Variants in TRIP13 observed in about 807,000 individuals in gnomAD.
TRIP13 encodes the protein pachytene checkpoint protein 2 homolog.
TRIP13 carries 25 observed loss-of-function variants against 54.4 expected under a neutral mutation model. That is an observed-to-expected ratio of 0.46 (90% confidence interval 0.33 to 0.64). TRIP13 has a LOEUF of 0.64. Among genes scored for constraint, TRIP13 ranks in the 30% least tolerant of loss-of-function variants. The pLI is 0.02. For synonymous variants in TRIP13, 207 were observed against 207.8 expected (o/e 1.00, Z 0.03); for missense variants, 373 against 534.2 (o/e 0.70, Z 2.97).
At chr5:901,487 C>T in intron 5 of TRIP13, 56 bp downstream of exon 5, 1 of 1,549,236 alleles carries the variant, frequency 6.5e-7, no homozygotes, top group Non-Finnish European at 8.9e-7. Context: ...TTAGCCTTTA[C>T]TTGTACCTTC....
At chr5:916,590 G>A (rs966705253) in intron 12 of TRIP13, among the ~76,000 whole-genome samples, 10 of 152,258 alleles carry the variant, frequency 6.6e-5, no homozygotes, top group Non-Finnish European at 8.8e-5. Context: ...TGGATCATGA[G>A]TGGGAGCCTT....
In TRIP13 at chr5:893,115, C is replaced by T. The variant is rs558683340; in HGVS notation, c.92+25C>T. The stretch of plus-strand genomic sequence containing the variant: ...GGTGAGCCGGACCTGTCCGACACAT[C>T]CTCTGGGCACCCACCCGCCCCGACC... On this transcript the variant is annotated intron_variant, in intron 1 of 12. Coordinates refer to ENST00000166345, the MANE Select transcript of TRIP13 (RefSeq NM_004237.4). The T allele has an allele frequency of 8.3e-5, 129 of 1,558,828 alleles. 1 individual carries two copies. In the South Asian group the frequency reaches 1.3e-3, roughly 15 times the overall value.
Position 908,258 on chromosome 5 carries a change from A to T in TRIP13, c.760-97A>T. On this transcript the variant is annotated intron_variant, in intron 8 of 12. Transcript: ENST00000166345. This position sits in a 1 kb window ranked among gnomAD's most constrained non-coding sequence, Gnocchi z 5.2. ...AGGCTAGGCACGGGAACACCCATTCATTCATCTTTTTCACGTGCTCAGCGG... is the reference window on the plus strand; with the variant it reads ...AGGCTAGGCACGGGAACACCCATTCTTTCATCTTTTTCACGTGCTCAGCGG... The T allele has an allele frequency of 6.8e-7, 1 of 1,465,474 alleles. No individual in the cohort carries two copies. Among genetic ancestry groups the T allele is most frequent in the East Asian group, 2.3e-5 (1 of 44,016 alleles). 90.8% of individuals were successfully genotyped at this position (1,465,474 alleles called of 1,614,324 possible). A position where few individuals can be genotyped will look rare whatever the true frequency, so the allele number is the denominator to read the frequency against.
At chr5:906,965 A>G (rs1754127495) in intron 6 of TRIP13, among the ~76,000 whole-genome samples, 165 bp from the exon 7 acceptor site, 2 of 152,166 alleles carry the variant, frequency 1.3e-5, no homozygotes. Flanking sequence ...ACTTTTTCAT[A>G]ATTATTTAGT....
rs1753922043 is a variant in TRIP13 at position 896,669 on chromosome 5, T to C, written c.263T>C (p.Ile88Thr). The change falls in exon 3 of 13, where the codon ATC (isoleucine) becomes ACC (threonine). Residue 88 changes from isoleucine to threonine, a missense_variant. Ile to Thr is a moderately conservative substitution (Grantham distance 89, BLOSUM62 -1). Coordinates refer to ENST00000166345, the MANE Select transcript of TRIP13 (RefSeq NM_004237.4). ...TTGGCTTTTCCCTCATTTTAGCCCA[T>C]CGATTTGAGTGCATGCACTGTTGCA... ...TELKVKDSQP[I>T]DLSACTVALH... 1 of 1,607,332 alleles carries C rather than the reference T, an allele frequency of 6.2e-7. No individual in the cohort carries two copies. The highest frequency in any genetic ancestry group is 1.7e-5 in the Admixed American group (1 of 59,510).
In TRIP13 at chr5:901,403, C is replaced by T; in HGVS notation, c.507C>T (p.Ile169=). Residue 169 remains isoleucine, a synonymous_variant, in exon 5 of 13, where the codon ATC becomes ATT. Transcript: ENST00000166345. ...FSDKNVNSNL[I]TWNRVVLLHG... is the part of the protein sequence containing the mutation. The stretch of plus-strand genomic sequence containing the variant: ...ACAAGAACGTCAACAGCAACCTCAT[C>T]ACCTGGAACCGGGTGGTGCTGCTCC... 1 of 1,614,200 alleles carries T rather than the reference C, an allele frequency of 6.2e-7. No individual in the cohort carries two copies. Among genetic ancestry groups the T allele is most frequent in the Non-Finnish European group, 8.5e-7 (1 of 1,180,026 alleles).
intron 9 of TRIP13, among the ~76,000 whole-genome samples, chr5:909,247 C>T (rs531787759): frequency 1.5e-4 from 23 of 152,328 alleles, no homozygotes; most frequent in Non-Finnish European, 3.2e-4. Flanking sequence ...GCTTAAGGAG[C>T]GACAGCTGCT....
chr5:907,881 A>G lies in TRIP13; in HGVS notation c.673-107A>G. On this transcript the variant is annotated intron_variant, in intron 7 of 12. Transcript: ENST00000166345. This position sits in a 1 kb window ranked among gnomAD's most constrained non-coding sequence, Gnocchi z 4.1. ...GCTTTCTGAGGGGCCGTCAGGAGAC[A>G]GTGGGCTTGTGGGGACAACTGGGGC... 9.0e-7 allele frequency: 1 copy of G among 1,115,726 alleles called. No homozygotes were observed. 69.1% of individuals were successfully genotyped at this position (1,115,726 alleles called of 1,614,324 possible). A position where few individuals can be genotyped will look rare whatever the true frequency, so the allele number is the denominator to read the frequency against.
Position 896,725 on chromosome 5 carries a change from C to G in TRIP13, c.319C>G (p.Pro107Ala). Residue 107 changes from proline (P) to alanine (A), a missense_variant, in exon 3 of 13, where the codon CCC becomes GCC. By Grantham distance (27) the Pro-to-Ala change is conservative. Transcript: ENST00000166345. ...LHIFQLNEDGPSSENLEEETE... is the reference protein window; with the variant it reads ...LHIFQLNEDGASSENLEEETE... ...CATTTTCCAGCTGAATGAAGATGGC[C>G]CCAGCAGTGAAAATCTGGAGGAAGA... The G allele has an allele frequency of 1.2e-6, 2 of 1,613,752 alleles. No homozygotes were observed. Among genetic ancestry groups the G allele is most frequent in the Non-Finnish European group, 1.7e-6 (2 of 1,179,834 alleles).
chr5:911,877 A>G lies in TRIP13; in HGVS notation c.901A>G (p.Ile301Val), dbSNP rs1235062562. Residue 301 changes from isoleucine to valine, a missense_variant, in exon 10 of 13, where the codon ATC (isoleucine) becomes GTC (valine). Transcript: ENST00000166345. This position sits in a 1 kb window ranked among gnomAD's most constrained non-coding sequence, Gnocchi z 4.7. ...TGTTGTGATTCTGACCACTTCTAAC[A>G]TCACCGAGAAGATCGACGTGGCCTT... ...SNVVILTTSNITEKIDVAFVD... is the reference protein window; with the variant it reads ...SNVVILTTSNVTEKIDVAFVD... 4.3e-6 allele frequency: 7 copies of G among 1,613,744 alleles called. No individual in the cohort carries two copies. The Admixed American group carries it at 1.0e-4, about 23-fold the overall frequency.
rs1322289693 is a variant in TRIP13 at position 912,304 on chromosome 5, T to C, written c.1020+308T>C. 1.3e-5 allele frequency among the ~76,000 whole-genome samples: 2 copies of C among 152,012 alleles called. No homozygotes were observed. The highest frequency in any genetic ancestry group is 3.9e-4 in the East Asian group (2 of 5,170). ...ACCTGGCTGGCTGCACAAACCTTAG[T>C]TCTCAGCTTACCCCGGGCTTTTCCA... On this transcript the variant is annotated intron_variant, in intron 10 of 12. Transcript: ENST00000166345. The surrounding 1 kb of genome is among the most constrained non-coding windows in gnomAD (Gnocchi z 7.2).
In TRIP13 at chr5:913,505, G is replaced by A. The variant is rs1560950623; in HGVS notation, c.1021-960G>A. On this transcript the variant is annotated intron_variant, in intron 10 of 12. Transcript: ENST00000166345. The surrounding 1 kb of genome is among the most constrained non-coding windows in gnomAD (Gnocchi z 4.5). Reference sequence around the variant, plus strand: ...TGAGTAGCTGGGATTACAGGTGCATGCCACCACACCTGGCTAATTTTTGTA... The same window carrying A: ...TGAGTAGCTGGGATTACAGGTGCATACCACCACACCTGGCTAATTTTTGTA... 6.6e-6 allele frequency among the ~76,000 whole-genome samples: 1 copy of A among 152,118 alleles called. No individual in the cohort carries two copies. Among genetic ancestry groups the A allele is most frequent in the Non-Finnish European group, 1.5e-5 (1 of 68,022 alleles).
chr5:903,070 G>A lies in TRIP13; in HGVS notation c.536-1078G>A, dbSNP rs556619383. Among the ~76,000 whole-genome samples, 9 of 152,244 alleles carry A rather than the reference G, an allele frequency of 5.9e-5. No homozygotes were observed. In the South Asian group the frequency reaches 1.7e-3, roughly 28 times the overall value. On this transcript the variant is annotated intron_variant, in intron 5 of 12. Transcript: ENST00000166345. ...GGGAGACAGGCCTCTGGATGACTGC[G>A]GGCGGGTCTGACTAATGTCAGGCCC...
At position 901,360 on chromosome 5, in the gene TRIP13, C is replaced by T; in HGVS notation, c.464C>T (p.Thr155Ile). Residue 155 changes from threonine to isoleucine, a missense_variant, in exon 5 of 13, where the codon ACA becomes ATA. By Grantham distance (89) the Thr-to-Ile change is moderately conservative (BLOSUM62 -1). Around this residue, in one of 4 missense-constraint regions of TRIP13, gnomAD observed 119 missense variants for 223.0 expected, o/e 0.53. Coordinates refer to ENST00000166345, the MANE Select transcript of TRIP13 (RefSeq NM_004237.4). ...TATCAGCTCCTCGATTATGTGATGA[C>T]AACTTTACTGTTTTCAGACAAGAAC... ...VKSHLLDYVM[T>I]TLLFSDKNVN... 1 of 1,614,132 alleles carries T rather than the reference C, an allele frequency of 6.2e-7. No homozygotes were observed. The highest frequency in any genetic ancestry group is 8.5e-7 in the Non-Finnish European group (1 of 1,180,012).
intron 5 of TRIP13, among the ~76,000 whole-genome samples, chr5:903,759 A>G (rs1365219601): frequency 6.6e-6 from 1 of 152,180 alleles, no homozygotes. Flanking sequence ...TTGATCTCTG[A>G]AAGGTGCCTT....
At position 917,043 on chromosome 5, in the gene TRIP13, C is replaced by A; in HGVS notation, c.1239C>A (p.Ala413=). The change falls in exon 13 of 13, where the codon GCC becomes GCA. Residue 413 remains alanine, a synonymous_variant. Transcript: ENST00000166345. ...TCACCATAGAGGGGTTCCTCCAGGCCCTGTCTCTGGCAGTGGACAAGCAGT... is the reference window on the plus strand; with the variant it reads ...TCACCATAGAGGGGTTCCTCCAGGCACTGTCTCTGGCAGTGGACAAGCAGT... ...PTVTIEGFLQ[A]LSLAVDKQFE... 3 of 1,614,124 alleles carry A rather than the reference C, an allele frequency of 1.9e-6. No homozygotes were observed. Among genetic ancestry groups the A allele is most frequent in the Non-Finnish European group, 2.5e-6 (3 of 1,180,022 alleles).
chr5:914,681 A>G (rs1393929299), intron 11 of TRIP13, 104 bp downstream of exon 11: 2 of 834,606 alleles, frequency 2.4e-6, no homozygotes, highest in Non-Finnish European at 4.0e-6. Flanking sequence ...CTGGGTGTGA[A>G]CTCTCAACAC....
rs924488396 is a variant in TRIP13 at position 912,105 on chromosome 5, T to C, written c.1020+109T>C. ...TTCCAGTACGGAGGATTTCAACATA[T>C]GCATTAACTCCCTTCTTAAATTGAA... On this transcript the variant is annotated intron_variant, in intron 10 of 12. Transcript: ENST00000166345. This position sits in a 1 kb window ranked among gnomAD's most constrained non-coding sequence, Gnocchi z 7.2. 59 of 1,343,546 alleles carry C rather than the reference T, an allele frequency of 4.4e-5. No homozygotes were observed. Among genetic ancestry groups the C allele is most frequent in the Non-Finnish European group, 6.0e-5 (59 of 991,054 alleles). 83.2% of individuals were successfully genotyped at this position (1,343,546 alleles called of 1,614,324 possible).
chr5:901,083 G>C (rs1029898582), intron 4 of TRIP13, among the ~76,000 whole-genome samples: 1 of 152,102 alleles, frequency 6.6e-6, no homozygotes, highest in Non-Finnish European at 1.5e-5. Flanking sequence ...GTTTAATGTT[G>C]GCACTTTAAA....
Sources: gnomAD v4.1 joint callset for allele counts (sites outside exome capture counted in the v4.1 genomes callset) on GRCh38, gnomAD v4.1.1 for gene constraint, gnomAD v4.1.1 regional missense constraint, Gnocchi (gnomAD v3.1) non-coding constraint, MANE v1.5 for transcripts, NCBI Gene and HGNC (gene_info 2026-07-23, HGNC 2026-07-21) for gene names.